The following SFXN5 variants were observed in gnomAD, a reference collection of about 807,000 sequenced individuals.
SFXN5 encodes sideroflexin-5.
Under a neutral mutation model 50.2 loss-of-function variants are expected in SFXN5, and 43 were observed. The observed-to-expected ratio is 0.86, with a 90% CI of 0.67 to 1.11. The LOEUF is 1.11. Among genes scored for constraint, SFXN5 ranks in the 50% least tolerant of loss-of-function variants. SFXN5 has a pLI of 0.00. For missense variants in SFXN5, 463 were observed against 454.1 expected (o/e 1.02, Z -0.18); for synonymous variants, 203 against 185.8 (o/e 1.09, Z -0.75).
intron 13 of SFXN5, among the ~76,000 whole-genome samples, chr2:72,956,274 C>T (rs906153501): frequency 6.6e-6 from 1 of 152,240 alleles, no homozygotes; most frequent in Non-Finnish European, 1.5e-5. Flanking sequence ...CCAGTTCTCA[C>T]GACATGAGGT....
intron 13 of SFXN5, among the ~76,000 whole-genome samples, chr2:72,951,158 C>T (rs1466781259): frequency 6.6e-6 from 1 of 152,188 alleles, no homozygotes. Flanking sequence ...GATCACCCTG[C>T]CCTGCCATGA....
chr2:73,071,598 C>T lies in SFXN5; in HGVS notation c.102+6G>A. ...GCCGGCCCGCAGACCACAGCCCGGTCCTCACCTGCTGGAAGCGGGGTTTGC... is the reference window on the plus strand; with the variant it reads ...GCCGGCCCGCAGACCACAGCCCGGTTCTCACCTGCTGGAAGCGGGGTTTGC... On this transcript the variant is annotated splice_donor_region_variant and intron_variant, in intron 1 of 13. Coordinates refer to ENST00000272433, the MANE Select transcript of SFXN5 (RefSeq NM_144579.3). 6.2e-7 allele frequency: 1 copy of T among 1,613,232 alleles called. No individual in the cohort carries two copies. The highest frequency in any genetic ancestry group is 8.5e-7 in the Non-Finnish European group (1 of 1,179,610).
rs890649801 is a variant in SFXN5 at position 72,945,194 on chromosome 2, C to T, written c.946-95G>A. The T allele has an allele frequency of 5.9e-6, 7 of 1,191,758 alleles. No individual in the cohort carries two copies. In the African/African-American group the frequency reaches 1.1e-4, roughly 18 times the overall value. 73.8% of individuals were successfully genotyped at this position (1,191,758 alleles called of 1,614,324 possible). ...GTGAGGACCACCCTGGGCCCCAGAG[C>T]TCTGCCCCCTGCACCCCCGTGTCCA... On this transcript the variant is annotated intron_variant, in intron 13 of 13. Coordinates refer to ENST00000272433, the MANE Select transcript of SFXN5 (RefSeq NM_144579.3). This position sits in a 1 kb window ranked among gnomAD's most constrained non-coding sequence, Gnocchi z 5.8.
intron 3 of SFXN5, among the ~76,000 whole-genome samples, chr2:73,024,489 C>CA (rs1387232387): frequency 1.6e-4 from 24 of 152,278 alleles, no homozygotes; most frequent in Admixed American, 4.6e-4. Flanking sequence ...CCCATCTCTA[C>CA]AAAAAATCTT....
intron 2 of SFXN5, among the ~76,000 whole-genome samples, chr2:73,054,152 T>G (rs1681771251): frequency 6.6e-6 from 1 of 152,158 alleles, no homozygotes; most frequent in African/African-American, 2.4e-5. Context: ...TAGAAGATCT[T>G]CTGTTGGCAG....
rs1450004447 is a variant in SFXN5, at chr2:72,953,216, G to T, written c.945+7915C>A. 6.6e-6 allele frequency among the ~76,000 whole-genome samples: 1 copy of T among 152,154 alleles called. No individual in the cohort carries two copies. Among genetic ancestry groups the T allele is most frequent in the Non-Finnish European group, 1.5e-5 (1 of 68,050 alleles). On this transcript the variant is annotated intron_variant, in intron 13 of 13. Transcript: ENST00000272433. This position sits in a 1 kb window ranked among gnomAD's most constrained non-coding sequence, Gnocchi z 4.1. Reference sequence around the variant, plus strand: ...TTGCCATTCCCATCCATCCCTCCTGGGGGGTCCTGTGGGCAAACTCCAAGA... The same window carrying T: ...TTGCCATTCCCATCCATCCCTCCTGTGGGGTCCTGTGGGCAAACTCCAAGA...
At chr2:73,062,643 AG>A (rs921375046) in intron 1 of SFXN5, among the ~76,000 whole-genome samples, 1 of 152,244 alleles carries the variant, frequency 6.6e-6, no homozygotes, top group Non-Finnish European at 1.5e-5. Flanking sequence ...AGCTAGGCTC[AG>A]GGGACAGACA....
chr2:73,006,881 G>A (rs1038576446), intron 6 of SFXN5, among the ~76,000 whole-genome samples: 7 of 152,226 alleles, frequency 4.6e-5, no homozygotes, highest in Non-Finnish European at 8.8e-5. Context: ...CTCTAGGGCT[G>A]CCCTGACAGG....
At chr2:73,047,285 T>TATATATATATATATATATATACACACAC (rs1268079277) in intron 2 of SFXN5, among the ~76,000 whole-genome samples, 4 of 92,504 alleles carry the variant, frequency 4.3e-5, no homozygotes, top group Admixed American at 1.3e-4. Context: ...TACACACATA[T>TATATATATATATATATATATACACACAC]ATATATATAT....
chr2:73,029,265 C>G (rs1046505385), intron 3 of SFXN5, among the ~76,000 whole-genome samples: 7 of 152,218 alleles, frequency 4.6e-5, no homozygotes, highest in Non-Finnish European at 8.8e-5. Context: ...AGAAACACAC[C>G]TGACTGTGTT....
In SFXN5 at chr2:73,058,520, T is replaced by A. The variant is rs773839270; in HGVS notation, c.171+8A>T. Reference sequence around the variant, plus strand: ...CCAAGGGCCACTGAGGTGACAGCCATGACTTACCTCAGTGACAAAGAGTGT... The same window carrying A: ...CCAAGGGCCACTGAGGTGACAGCCAAGACTTACCTCAGTGACAAAGAGTGT... On this transcript the variant is annotated splice_region_variant and intron_variant, in intron 2 of 13. Coordinates refer to ENST00000272433, the MANE Select transcript of SFXN5 (RefSeq NM_144579.3). 2 of 1,613,734 alleles carry A rather than the reference T, an allele frequency of 1.2e-6. No individual in the cohort carries two copies. The highest frequency in any genetic ancestry group is 1.7e-6 in the Non-Finnish European group (2 of 1,179,628).
At chr2:72,964,828 G>A (rs972047577) in intron 12 of SFXN5, among the ~76,000 whole-genome samples, 2 of 152,196 alleles carry the variant, frequency 1.3e-5, no homozygotes, top group Admixed American at 6.5e-5. Context: ...CTCCTTTGGA[G>A]CCTGAGATGT....
Position 72,953,389 on chromosome 2 carries a change from G to A in SFXN5, c.945+7742C>T, listed in dbSNP as rs1184366402. On this transcript the variant is annotated intron_variant, in intron 13 of 13. Coordinates refer to ENST00000272433, the MANE Select transcript of SFXN5 (RefSeq NM_144579.3). This position sits in a 1 kb window ranked among gnomAD's most constrained non-coding sequence, Gnocchi z 4.1. Reference sequence around the variant, plus strand: ...GAGATGGATTTGAGACTGGAGGGAAGGAGGCCCCTGCTCTGGGAGACGCTG... The same window carrying A: ...GAGATGGATTTGAGACTGGAGGGAAAGAGGCCCCTGCTCTGGGAGACGCTG... Among the ~76,000 whole-genome samples, 1 of 152,198 alleles carries A rather than the reference G, an allele frequency of 6.6e-6. No homozygotes were observed. The highest frequency in any genetic ancestry group is 2.4e-5 in the African/African-American group (1 of 41,452).
At chr2:72,999,955 T>A (rs980898264) in intron 8 of SFXN5, among the ~76,000 whole-genome samples, 1 of 150,884 alleles carries the variant, frequency 6.6e-6, no homozygotes, top group African/African-American at 2.4e-5. Context: ...TGGGGGGGAG[T>A]TACCAGCCCT....
rs1677478381 is a variant in SFXN5 at position 73,025,826 on chromosome 2, A to G, written c.250-2612T>C. Reference sequence around the variant, plus strand: ...AAATGTCCCTGTGCACAAAGTAGGGAGGCCCAAAGTCCCCATCCAGGTGAT... The same window carrying G: ...AAATGTCCCTGTGCACAAAGTAGGGGGGCCCAAAGTCCCCATCCAGGTGAT... On this transcript the variant is annotated intron_variant, in intron 3 of 13. Transcript: ENST00000272433. 5.3e-5 allele frequency among the ~76,000 whole-genome samples: 8 copies of G among 152,308 alleles called. No individual in the cohort carries two copies. The South Asian group carries it at 1.7e-3, about 32-fold the overall frequency.
At chr2:72,998,110 T>C (rs1335859807) in intron 9 of SFXN5, 2 of 152,234 alleles carry the variant, frequency 1.3e-5, no homozygotes, top group Non-Finnish European at 2.9e-5. Flanking sequence ...TTCTTACCAG[T>C]TACATTAATG....
At chr2:73,062,464 T>C (rs1682878838) in intron 1 of SFXN5, among the ~76,000 whole-genome samples, 2 of 152,166 alleles carry the variant, frequency 1.3e-5, no homozygotes, top group South Asian at 4.1e-4. Flanking sequence ...AAGCAACTTC[T>C]TGAAGATGGT....
chr2:73,002,197 T>C (rs138996516), intron 6 of SFXN5, among the ~76,000 whole-genome samples: 4 of 152,364 alleles, frequency 2.6e-5, no homozygotes, highest in African/African-American at 9.6e-5. Context: ...GAATGAAACA[T>C]AGATTTCTAA....
intron 9 of SFXN5, among the ~76,000 whole-genome samples, chr2:72,990,234 A>C (rs983559378): frequency 5.9e-5 from 9 of 152,198 alleles, no homozygotes; most frequent in African/African-American, 2.2e-4. Flanking sequence ...CTTAAGTCTC[A>C]GGCTGATCCT....
Sources: gnomAD v4.1 joint callset for allele counts (sites outside exome capture counted in the v4.1 genomes callset) on GRCh38, gnomAD v4.1.1 for gene constraint, Gnocchi (gnomAD v3.1) non-coding constraint, MANE v1.5 for transcripts, NCBI Gene and HGNC (gene_info 2026-07-23, HGNC 2026-07-21) for gene names.